Variants in ZNHIT6 observed in about 807,000 individuals in gnomAD.
ZNHIT6 encodes the protein box C/D snoRNA protein 1.
ZNHIT6 carries 45 observed loss-of-function variants against 57.2 expected under a neutral mutation model. The observed-to-expected ratio is 0.79, with a 90% CI of 0.62 to 1.01. The LOEUF is 1.01. ZNHIT6 is among the 50% of genes least tolerant of loss of function. ZNHIT6 has a pLI of 0.00. For synonymous variants in ZNHIT6, 188 were observed against 190.0 expected, an observed-to-expected ratio of 0.99 and a Z score of 0.09; for missense variants, 528 against 567.3, an observed-to-expected ratio of 0.93 and a Z score of 0.70.
intron 8 of ZNHIT6, among the ~76,000 whole-genome samples, chr1:85,671,445 AC>A (rs1359587072): frequency 6.6e-6 from 1 of 151,752 alleles, no homozygotes; most frequent in Admixed American, 6.6e-5. Context: ...ACACAGTAAG[AC>A]CCTGTCTCTT....
At chr1:85,704,376 A>G (rs1410128989) in intron 4 of ZNHIT6, among the ~76,000 whole-genome samples, 10 of 152,088 alleles carry the variant, frequency 6.6e-5, no homozygotes, top group Non-Finnish European at 1.5e-4. Context: ...TCCAAAATCC[A>G]TTAAAAAAAT....
intron 8 of ZNHIT6, among the ~76,000 whole-genome samples, chr1:85,667,961 A>AAAAAAAAAAAAAAAATATATATAT: frequency 1.6e-4 from 3 of 18,202 alleles, no homozygotes; most frequent in Non-Finnish European, 3.0e-4. Context: ...AAAAAAAAAA[A>AAAAAAAAAAAAAAAATATATATAT]ATATATATAT....
In ZNHIT6 at chr1:85,687,365, T is replaced by C. The variant is rs115326558; in HGVS notation, c.1020-6461A>G. On this transcript the variant is annotated intron_variant, in intron 5 of 9. Transcript: ENST00000370574. ...TACTATCAAATACCGACAGTGTCTTTAAACAGAGTATTTTGCCGTGATTTC... is the reference window on the plus strand; with the variant it reads ...TACTATCAAATACCGACAGTGTCTTCAAACAGAGTATTTTGCCGTGATTTC... Among the ~76,000 whole-genome samples, 296 of 150,066 alleles carry C rather than the reference T, an allele frequency of 2.0e-3. 3 individuals are homozygous for C. Among genetic ancestry groups the C allele is most frequent in the Non-Finnish European group, 2.6e-3 (173 of 67,748 alleles).
intron 8 of ZNHIT6, among the ~76,000 whole-genome samples, chr1:85,672,791 A>G (rs911910408): frequency 8.1e-4 from 89 of 109,214 alleles, no homozygotes; most frequent in Non-Finnish European, 1.1e-3. Flanking sequence ...AACTGCTTAA[A>G]TCACAAAAAA....
chr1:85,689,617 A>T (rs537332608), intron 5 of ZNHIT6, among the ~76,000 whole-genome samples: 24 of 152,350 alleles, frequency 1.6e-4, no homozygotes, highest in African/African-American at 5.5e-4. Flanking sequence ...GTATATTAAG[A>T]AAATGGATAT....
intron 7 of ZNHIT6, among the ~76,000 whole-genome samples, chr1:85,678,426 T>C (rs1219960884): frequency 3.3e-5 from 5 of 152,168 alleles, no homozygotes; most frequent in African/African-American, 1.2e-4. Flanking sequence ...AGTTTCTCCA[T>C]CTGTAAAATG....
chr1:85,678,857 T>A, intron 6 of ZNHIT6, 76 bp from the exon 7 acceptor site: 2 of 809,944 alleles, frequency 2.5e-6, no homozygotes, highest in Non-Finnish European at 3.7e-6. Context: ...TTTGAATTAT[T>A]AAATATTGTG....
At chr1:85,667,053 G>A (rs543594963) in intron 8 of ZNHIT6, among the ~76,000 whole-genome samples, 83 of 152,272 alleles carry the variant, frequency 5.5e-4, no homozygotes, top group Middle Eastern at 6.8e-3. Context: ...CTGTGGTTGG[G>A]TTTCACATAA....
At position 85,653,644 on chromosome 1, in the gene ZNHIT6, T is replaced by A. The variant is rs1570276385; in HGVS notation, c.*414A>T. 1 of 154,382 alleles carries A rather than the reference T, an allele frequency of 6.5e-6. No individual in the cohort carries two copies. The highest frequency in any genetic ancestry group is 2.4e-5 in the African/African-American group (1 of 41,564). The allele number at this position is 154,382 out of a possible 1,614,324, so 9.6% of individuals were successfully genotyped here. ...CAAAAAACTTAGCTGAGTGTGGTGG[T>A]ACCAGCCTGTTGGGAGGCTGCAGTG... is the stretch of plus-strand genomic sequence containing the variant. On this transcript the variant is annotated 3_prime_UTR_variant, in exon 10 of 10. Coordinates refer to ENST00000370574, the MANE Select transcript of ZNHIT6 (RefSeq NM_017953.4).
At chr1:85,654,148 T>G in intron 9 of ZNHIT6, 50 bp from the exon 10 acceptor site, 1 of 1,537,992 alleles carries the variant, frequency 6.5e-7, no homozygotes, top group Non-Finnish European at 8.9e-7. Context: ...TTTTTCTGTT[T>G]AGGTTGCTCT....
At chr1:85,679,676 C>T (rs1289753303) in intron 6 of ZNHIT6, among the ~76,000 whole-genome samples, 7 of 151,482 alleles carry the variant, frequency 4.6e-5, no homozygotes, top group South Asian at 4.2e-4. Flanking sequence ...CCTCCGCCTC[C>T]TGCATTTAAG....
chr1:85,708,422 C>T lies in ZNHIT6; in HGVS notation c.-138G>A, dbSNP rs1662762880. The T allele has an allele frequency of 1.9e-6, 2 of 1,069,746 alleles. No individual in the cohort carries two copies. The highest frequency in any genetic ancestry group is 2.6e-6 in the Non-Finnish European group (2 of 759,610). 66.3% of individuals were successfully genotyped at this position (1,069,746 alleles called of 1,614,324 possible). On this transcript the variant is annotated 5_prime_UTR_variant, in exon 1 of 10. Coordinates refer to ENST00000370574, the MANE Select transcript of ZNHIT6 (RefSeq NM_017953.4). ...GCAGCCACAAACCCGGAATAGCCTGCTTGACGCGACTGCTCGAATCGCCGT... is the reference window on the plus strand; with the variant it reads ...GCAGCCACAAACCCGGAATAGCCTGTTTGACGCGACTGCTCGAATCGCCGT...
intron 5 of ZNHIT6, among the ~76,000 whole-genome samples, chr1:85,701,111 C>T (rs1189188492): frequency 1.3e-5 from 2 of 152,168 alleles, no homozygotes; most frequent in South Asian, 2.1e-4. Flanking sequence ...ACCATTTTTA[C>T]AAATGTTTAT....
At chr1:85,696,373 C>T (rs1457937569) in intron 5 of ZNHIT6, among the ~76,000 whole-genome samples, 7 of 151,694 alleles carry the variant, frequency 4.6e-5, no homozygotes, top group Non-Finnish European at 7.4e-5. Flanking sequence ...TCTTTTTTTT[C>T]ACTGAACATG....
chr1:85,662,953 C>T (rs2100652495), intron 8 of ZNHIT6, among the ~76,000 whole-genome samples: 1 of 152,254 alleles, frequency 6.6e-6, no homozygotes, highest in Admixed American at 6.5e-5. Flanking sequence ...AAGGCTCTGA[C>T]TTGTTCTAGA....
At chr1:85,677,195 C>A in intron 8 of ZNHIT6, 41 bp downstream of exon 8, 1 of 1,484,356 alleles carries the variant, frequency 6.7e-7, no homozygotes, top group East Asian at 2.3e-5. Context: ...TATTACAGAA[C>A]TAAAAAATAT....
At chr1:85,704,717 T>A (rs1662632231) in intron 4 of ZNHIT6, among the ~76,000 whole-genome samples, 1 of 152,152 alleles carries the variant, frequency 6.6e-6, no homozygotes, top group African/African-American at 2.4e-5. Context: ...TTCTTTCAGA[T>A]ATGTGTAATG....
chr1:85,652,898 CAT>C lies in ZNHIT6; in HGVS notation c.*1158_*1159del, dbSNP rs1660952899. On this transcript the variant is annotated 3_prime_UTR_variant, in exon 10 of 10. Transcript: ENST00000370574. ...TAAAATTAAGAATTTTTTTTCAGTA[CAT>C]GAGATCAAACTGTATACAGAGCTGC... is the stretch of plus-strand genomic sequence containing the variant. The C allele has an allele frequency of 6.6e-6, 1 of 152,068 alleles. No individual in the cohort carries two copies. Among genetic ancestry groups the C allele is most frequent in the South Asian group, 2.1e-4 (1 of 4,820 alleles). 9.4% of individuals were successfully genotyped at this position (152,068 alleles called of 1,614,324 possible). A position where few individuals can be genotyped will look rare whatever the true frequency, so the allele number is the denominator to read the frequency against.
chr1:85,677,216 G>A lies in ZNHIT6; in HGVS notation c.1247+20C>T, dbSNP rs769332509. On this transcript the variant is annotated intron_variant, in intron 8 of 9. Transcript: ENST00000370574. ...AGAACTAAAAAATATTTAAAGAAAT[G>A]GGGAGGGGAGCAATTTTACCTTACT... 1.9e-6 allele frequency: 3 copies of A among 1,560,202 alleles called. No homozygotes were observed. Among genetic ancestry groups the A allele is most frequent in the Non-Finnish European group, 1.7e-6 (2 of 1,154,942 alleles).
Sources: gnomAD v4.1 joint callset for allele counts (sites outside exome capture counted in the v4.1 genomes callset) on GRCh38, gnomAD v4.1.1 for gene constraint, MANE v1.5 for transcripts, NCBI Gene and HGNC (gene_info 2026-07-23, HGNC 2026-07-21) for gene names.